Variants in NIPBL observed in about 807,000 individuals in gnomAD.
The protein encoded by NIPBL is nipped-B-like protein.
A neutral mutation model predicts 321.8 loss-of-function variants in NIPBL; 19 were observed. The observed-to-expected ratio is 0.06, with a 90% CI of 0.04 to 0.09. The LOEUF is 0.09. Among genes scored for constraint, NIPBL ranks in the 10% least tolerant of loss-of-function variants. The probability of loss-of-function intolerance (pLI) is 1.00; values close to 1 mark genes in which losing one functional copy is unlikely to be tolerated. For missense variants in NIPBL, 2,210 were observed against 3,327.0 expected, an observed-to-expected ratio of 0.66 and a Z score of 8.26; for synonymous variants, 1,106 against 1,114.1, an observed-to-expected ratio of 0.99 and a Z score of 0.14.
intron 9 of NIPBL, among the ~76,000 whole-genome samples, chr5:36,980,623 T>G (rs1487250344): frequency 6.6e-6 from 1 of 151,648 alleles, no homozygotes; most frequent in African/African-American, 2.4e-5. Context: ...GTTTATAGCC[T>G]GGGAGCAATA....
At chr5:36,902,757 G>T in intron 1 of NIPBL, among the ~76,000 whole-genome samples, 1 of 151,884 alleles carries the variant, frequency 6.6e-6, no homozygotes, top group Admixed American at 6.5e-5. Context: ...AATTTTAGAA[G>T]TTTTTTGTTT....
chr5:37,000,341 G>A (rs768863074), intron 11 of NIPBL, 32 bp from the exon 12 acceptor site: 3 of 1,598,680 alleles, frequency 1.9e-6, no homozygotes, highest in Non-Finnish European at 2.6e-6. Context: ...TTTAAATGAG[G>A]TAAATTATTT....
intron 10 of NIPBL, 68 bp from the exon 11 acceptor site, chr5:36,995,550 GCTAA>G (rs896107944): frequency 7.0e-5 from 69 of 980,000 alleles, no homozygotes; most frequent in South Asian, 2.1e-4. Context: ...TTTTTATTAT[GCTAA>G]CTTAGTTAAA....
intron 16 of NIPBL, among the ~76,000 whole-genome samples, 154 bp from the exon 17 acceptor site, chr5:37,006,203 G>A (rs1304210208): frequency 6.6e-6 from 1 of 152,010 alleles, no homozygotes; most frequent in Non-Finnish European, 1.5e-5. Context: ...GCTCAAAGTA[G>A]TATCAGTATT....
At chr5:36,911,654 A>C (rs1214540665) in intron 1 of NIPBL, among the ~76,000 whole-genome samples, 1 of 152,222 alleles carries the variant, frequency 6.6e-6, no homozygotes, top group Non-Finnish European at 1.5e-5. Context: ...ACTTAATAGA[A>C]CATCTTGCAC....
chr5:37,020,639 A>G lies in NIPBL; in HGVS notation c.5191A>G (p.Ile1731Val), dbSNP rs769510161. Residue 1731 changes from isoleucine (I) to valine (V), a missense_variant, in exon 26 of 47, where the codon ATC becomes GTC. This residue lies in a region of NIPBL where 138 missense variants were observed against 175.8 expected (regional missense o/e 0.79). Transcript: ENST00000282516. ...ENRKKFLRSI[I>V]KTTPSQFSTL... Reference sequence around the variant, plus strand: ...CCGAAAAAAGTTTCTTAGAAGCATTATCAAAACCACACCTTCTCAGTTTAG... The same window carrying G: ...CCGAAAAAAGTTTCTTAGAAGCATTGTCAAAACCACACCTTCTCAGTTTAG... The G allele has an allele frequency of 9.3e-6, 15 of 1,614,134 alleles. No individual in the cohort carries two copies. The highest frequency in any genetic ancestry group is 1.1e-5 in the Non-Finnish European group (13 of 1,179,998).
intron 1 of NIPBL, among the ~76,000 whole-genome samples, chr5:36,878,755 G>T (rs749910743): frequency 6.6e-6 from 1 of 152,142 alleles, no homozygotes. Context: ...TAGCTGTCAC[G>T]TACTAGGCAT....
At chr5:36,936,925 A>G (rs776182732) in intron 1 of NIPBL, among the ~76,000 whole-genome samples, 11 of 151,886 alleles carry the variant, frequency 7.2e-5, no homozygotes, top group Admixed American at 1.3e-4. Flanking sequence ...TGTACCTCAT[A>G]ATATAGGCTA....
intron 1 of NIPBL, among the ~76,000 whole-genome samples, chr5:36,935,015 A>G (rs1750053258): frequency 6.6e-6 from 1 of 152,120 alleles, no homozygotes; most frequent in South Asian, 2.1e-4. Flanking sequence ...TCCTCCTTGT[A>G]GCTTAAATTC....
intron 23 of NIPBL, 122 bp downstream of exon 23, chr5:37,016,292 T>G: frequency 9.7e-7 from 1 of 1,026,504 alleles, no homozygotes; most frequent in East Asian, 2.6e-5. Flanking sequence ...TTGCATCTCT[T>G]TTTGCATGTG....
At chr5:37,049,075 T>C (rs1402200671) in intron 39 of NIPBL, 36 bp from the exon 40 acceptor site, 1 of 1,603,170 alleles carries the variant, frequency 6.2e-7, no homozygotes, top group South Asian at 1.1e-5. Flanking sequence ...GTATAGGTGC[T>C]CTTAATGTGT....
chr5:36,939,351 A>G (rs1039222070), intron 1 of NIPBL, among the ~76,000 whole-genome samples: 3 of 152,134 alleles, frequency 2.0e-5, no homozygotes, highest in Non-Finnish European at 4.4e-5. Context: ...CACCATCTCT[A>G]CAATGTTATT....
intron 1 of NIPBL, among the ~76,000 whole-genome samples, chr5:36,939,291 G>A (rs1009406248): frequency 6.6e-6 from 1 of 152,140 alleles, no homozygotes; most frequent in Non-Finnish European, 1.5e-5. Context: ...TTGAGCCACT[G>A]CGTCTGGCCC....
intron 46 of NIPBL, 190 bp downstream of exon 46, chr5:37,064,168 A>G (rs1415863082): frequency 7.0e-7 from 1 of 1,420,752 alleles, no homozygotes; most frequent in Non-Finnish European, 9.2e-7. Context: ...ATAAAAGACA[A>G]TAAAAAAACA....
At chr5:36,945,136 C>T (rs898249693) in intron 1 of NIPBL, among the ~76,000 whole-genome samples, 7 of 152,002 alleles carry the variant, frequency 4.6e-5, no homozygotes, top group African/African-American at 9.7e-5. Flanking sequence ...AATTCATAGA[C>T]GCGCTTGGAA....
intron 3 of NIPBL, 151 bp downstream of exon 3, chr5:36,955,788 A>G: frequency 3.1e-6 from 2 of 654,488 alleles, no homozygotes; most frequent in Non-Finnish European, 5.3e-6. Context: ...GTCTTATTGC[A>G]ATAATAGATT....
At chr5:37,044,243 C>G in intron 34 of NIPBL, 104 bp from the exon 35 acceptor site, 1 of 1,020,860 alleles carries the variant, frequency 9.8e-7, no homozygotes, top group East Asian at 2.8e-5. Context: ...TTAACTGGAC[C>G]TTTACGTGCA....
chr5:36,937,983 A>G (rs1303357102), intron 1 of NIPBL, among the ~76,000 whole-genome samples: 1 of 152,196 alleles, frequency 6.6e-6, no homozygotes, highest in African/African-American at 2.4e-5. Flanking sequence ...TTCAGCGGGT[A>G]TAATAGATTG....
At chr5:36,960,189 G>A (rs1320090318) in intron 4 of NIPBL, among the ~76,000 whole-genome samples, 1 of 152,100 alleles carries the variant, frequency 6.6e-6, no homozygotes, top group Non-Finnish European at 1.5e-5. Context: ...TTTAATCATA[G>A]TTCTTTGGAA....
Sources: gnomAD v4.1 joint callset for allele counts (sites outside exome capture counted in the v4.1 genomes callset) on GRCh38, gnomAD v4.1.1 for gene constraint, gnomAD v4.1.1 regional missense constraint, MANE v1.5 for transcripts, NCBI Gene and HGNC (gene_info 2026-07-23, HGNC 2026-07-21) for gene names.